Variants in GPR39 observed in about 807,000 individuals in gnomAD.
GPR39 encodes the protein G protein-coupled receptor 39.
In GPR39, 23 loss-of-function variants were observed where a neutral mutation model predicts 18.4. The ratio of observed to expected loss-of-function variants is 1.25; its 90% CI spans 0.90 to 1.77. The LOEUF (loss-of-function observed/expected upper bound fraction) is 1.77, where lower values mean the gene tolerates loss of function less well. Ranked by LOEUF, GPR39 falls within the 40% of genes most tolerant of loss-of-function variation. The pLI, the probability that GPR39 is intolerant of heterozygous loss-of-function variation, is 0.00. For synonymous variants in GPR39, 280 were observed against 257.9 expected (o/e 1.09, Z -0.82); for missense variants, 647 against 602.4 (o/e 1.07, Z -0.78).
At chr2:132,613,086 C>T (rs1007933224) in intron 1 of GPR39, among the ~76,000 whole-genome samples, 5 of 152,138 alleles carry the variant, frequency 3.3e-5, no homozygotes, top group African/African-American at 1.2e-4. Context: ...TTAAAATTGG[C>T]TTTGTGTTCA....
In GPR39 at chr2:132,463,518, C is replaced by T. The variant is rs561292056; in HGVS notation, c.856+45620C>T. Reference sequence around the variant, plus strand: ...GTCAAGAAAGGTCCTATCTTGTTAGCCCAGTTTATGCATCGATTTTGGTCT... The same window carrying T: ...GTCAAGAAAGGTCCTATCTTGTTAGTCCAGTTTATGCATCGATTTTGGTCT... On this transcript the variant is annotated intron_variant, in intron 1 of 1. Transcript: ENST00000329321. Among the ~76,000 whole-genome samples the T allele has an allele frequency of 2.4e-4, 36 of 151,476 alleles. No homozygotes were observed. The South Asian group carries it at 6.9e-3, about 29-fold the overall frequency.
At chr2:132,449,156 G>A (rs1680589082) in intron 1 of GPR39, among the ~76,000 whole-genome samples, 1 of 152,238 alleles carries the variant, frequency 6.6e-6, no homozygotes, top group Admixed American at 6.5e-5. Flanking sequence ...CACACGGCAA[G>A]GTTTCTGCAA....
chr2:132,442,712 T>C (rs1450494308), intron 1 of GPR39, among the ~76,000 whole-genome samples: 3 of 152,254 alleles, frequency 2.0e-5, no homozygotes, highest in African/African-American at 7.2e-5. Flanking sequence ...AATAGATTCA[T>C]GTATAATGAA....
At chr2:132,473,136 A>T (rs938633721) in intron 1 of GPR39, among the ~76,000 whole-genome samples, 2 of 152,188 alleles carry the variant, frequency 1.3e-5, no homozygotes, top group Non-Finnish European at 2.9e-5. Context: ...TGTGGTAAAC[A>T]CTGCCTTAAA....
chr2:132,469,461 T>C (rs1284677270), intron 1 of GPR39, among the ~76,000 whole-genome samples: 1 of 152,234 alleles, frequency 6.6e-6, no homozygotes, highest in Admixed American at 6.5e-5. Flanking sequence ...CCCTTTGCCC[T>C]TTATTGCCTC....
rs367709282 is a variant in GPR39 at position 132,645,400 on chromosome 2, C to T, written c.1156C>T (p.Arg386Cys). ...VHAHSTTDSA[R>C]FVQRPLLFAS... ...TGCGCACTCCACCACCGACAGCGCC[C>T]GCTTTGTGCAGCGCCCGTTGCTCTT... Residue 386 changes from arginine to cysteine, a missense_variant, in exon 2 of 2, where the codon CGC (arginine) becomes TGC (cysteine). Arg to Cys is a radical substitution (Grantham distance 180, BLOSUM62 -3). Coordinates refer to ENST00000329321, the MANE Select transcript of GPR39 (RefSeq NM_001508.3). 5.3e-5 allele frequency: 85 copies of T among 1,613,578 alleles called. 1 individual carries two copies. Among genetic ancestry groups the T allele is most frequent in the South Asian group, 3.4e-4 (31 of 91,064 alleles).
chr2:132,445,061 A>T (rs539289293), intron 1 of GPR39, among the ~76,000 whole-genome samples: 12 of 152,164 alleles, frequency 7.9e-5, no homozygotes, highest in Non-Finnish European at 1.5e-4. Context: ...TTGGGTGTCA[A>T]TGTGATAGTT....
chr2:132,557,967 A>T (rs755194401), intron 1 of GPR39, among the ~76,000 whole-genome samples: 2 of 142,486 alleles, frequency 1.4e-5, no homozygotes, highest in Non-Finnish European at 3.1e-5. Flanking sequence ...GGTAAGGGTC[A>T]GCTGCACTGA....
At chr2:132,602,663 C>A (rs1229898783) in intron 1 of GPR39, among the ~76,000 whole-genome samples, 1 of 151,732 alleles carries the variant, frequency 6.6e-6, no homozygotes, top group Non-Finnish European at 1.5e-5. Context: ...TATCCAGAAT[C>A]TACAAAGAAT....
intron 1 of GPR39, among the ~76,000 whole-genome samples, chr2:132,533,658 A>G (rs1384926727): frequency 1.3e-5 from 2 of 152,158 alleles, no homozygotes; most frequent in African/African-American, 4.8e-5. Flanking sequence ...ATATAGACCA[A>G]TGGAACAGAA....
intron 1 of GPR39, among the ~76,000 whole-genome samples, chr2:132,514,512 A>G (rs2104761457): frequency 6.6e-6 from 1 of 152,196 alleles, no homozygotes; most frequent in East Asian, 1.9e-4. Context: ...TGGCTCCCAG[A>G]TCATTGGTAC....
intron 1 of GPR39, among the ~76,000 whole-genome samples, chr2:132,452,169 C>G (rs1208526429): frequency 6.6e-6 from 1 of 152,126 alleles, no homozygotes; most frequent in East Asian, 1.9e-4. Flanking sequence ...TTTTCCCCAT[C>G]ATAAGGAAGG....
At chr2:132,492,698 A>ATATAATATATATACACACCATATATG in intron 1 of GPR39, among the ~76,000 whole-genome samples, 1 of 144,144 alleles carries the variant, frequency 6.9e-6, no homozygotes, top group Non-Finnish European at 1.5e-5. Flanking sequence ...CACCATATAT[A>ATATAATATATATACACACCATATATG]TATAATATAT....
intron 1 of GPR39, among the ~76,000 whole-genome samples, chr2:132,582,934 TTTTG>T (rs1245816399): frequency 2.7e-5 from 4 of 149,946 alleles, no homozygotes; most frequent in African/African-American, 9.9e-5. Context: ...TTTTTTTTTT[TTTTG>T]GAGATAGGGT....
chr2:132,525,249 C>T (rs1049489682), intron 1 of GPR39, among the ~76,000 whole-genome samples: 20 of 152,174 alleles, frequency 1.3e-4, no homozygotes, highest in Non-Finnish European at 2.6e-4. Flanking sequence ...ATTCAGAGCA[C>T]GAGGCTGAAG....
Position 132,645,564 on chromosome 2 carries a change from C to G in GPR39, c.1320C>G (p.Ala440=). The G allele has an allele frequency of 6.2e-7, 1 of 1,614,108 alleles. No individual in the cohort carries two copies. Among genetic ancestry groups the G allele is most frequent in the Non-Finnish European group, 8.5e-7 (1 of 1,180,000 alleles). ...SLEPNSGAKP[A]NSAAENGFQE... is the part of the protein sequence containing the mutation. The stretch of plus-strand genomic sequence containing the variant: ...AGCCCAACTCAGGCGCGAAACCAGC[C>G]AATTCTGCTGCAGAGAATGGTTTTC... Residue 440 remains alanine (A), a synonymous_variant, in exon 2 of 2, where the codon GCC becomes GCG. Coordinates refer to ENST00000329321, the MANE Select transcript of GPR39 (RefSeq NM_001508.3).
At chr2:132,622,635 T>C (rs1681463292) in intron 1 of GPR39, among the ~76,000 whole-genome samples, 2 of 152,346 alleles carry the variant, frequency 1.3e-5, no homozygotes, top group South Asian at 4.1e-4. Context: ...AAGCAGAAGC[T>C]TACAAGTCAT....
chr2:132,427,933 T>C (rs1411627038), intron 1 of GPR39, among the ~76,000 whole-genome samples: 3 of 146,556 alleles, frequency 2.0e-5, no homozygotes, highest in Middle Eastern at 7.2e-3. Context: ...ATATATTATA[T>C]ATAGTTATAT....
At chr2:132,609,881 T>C (rs867181874) in intron 1 of GPR39, among the ~76,000 whole-genome samples, 18 of 152,074 alleles carry the variant, frequency 1.2e-4, no homozygotes, top group Admixed American at 3.9e-4. Context: ...TGCCTCTCCA[T>C]TGTCACCTCT....
Sources: gnomAD v4.1 joint callset for allele counts (sites outside exome capture counted in the v4.1 genomes callset) on GRCh38, gnomAD v4.1.1 for gene constraint, MANE v1.5 for transcripts, NCBI Gene and HGNC (gene_info 2026-07-23, HGNC 2026-07-21) for gene names.